Variants in DNAH8 observed in about 807,000 individuals in gnomAD.
DNAH8 encodes the protein dynein axonemal heavy chain 8.
DNAH8 carries 382 observed loss-of-function variants against 562.1 expected under a neutral mutation model. The ratio of observed to expected loss-of-function variants is 0.68; its 90% confidence interval spans 0.63 to 0.74. The LOEUF (loss-of-function observed/expected upper bound fraction) is 0.74, where lower values mean the gene tolerates loss of function less well. Ranked by LOEUF, DNAH8 falls within the 30% of genes least tolerant of loss-of-function variation. The pLI, the probability that DNAH8 is intolerant of heterozygous loss-of-function variation, is 0.00. For missense variants in DNAH8, 5,203 were observed against 5,620.4 expected (o/e 0.93, Z 2.37); for synonymous variants, 1,881 against 1,919.4 (o/e 0.98, Z 0.52).
chr6:38,790,755 G>A (rs973037737), intron 20 of DNAH8, among the ~76,000 whole-genome samples: 4 of 151,774 alleles, frequency 2.6e-5, no homozygotes, highest in African/African-American at 4.8e-5. Context: ...CCAGGGAAGC[G>A]GAGGTTGCAG....
At chr6:38,917,634 G>C (rs1401097218) in intron 69 of DNAH8, among the ~76,000 whole-genome samples, 1 of 152,176 alleles carries the variant, frequency 6.6e-6, no homozygotes, top group African/African-American at 2.4e-5. Context: ...GCACAGCCTT[G>C]GTGTCAACCC....
Position 38,929,677 on chromosome 6 carries a change from T to TAAAAAAAAAAAAAAAAAAAAAA in DNAH8, c.11274+26_11274+27insAAAAAAAAAAAAAAAAAAAAAA. The TAAAAAAAAAAAAAAAAAAAAAA allele has an allele frequency of 9.1e-7, 1 of 1,097,536 alleles. No homozygotes were observed. The highest frequency in any genetic ancestry group is 1.2e-6 in the Non-Finnish European group (1 of 852,804). 68.0% of individuals were successfully genotyped at this position (1,097,536 alleles called of 1,614,324 possible). A position where few individuals can be genotyped will look rare whatever the true frequency, so the allele number is the denominator to read the frequency against. ...GGCACCACTTTCAAGGTGAGCTTTG[T>TAAAAAAAAAAAAAAAAAAAAAA]AAAAAAAAAAAAAAAGAAAGAAAGA... On this transcript the variant is annotated intron_variant, in intron 75 of 92. Coordinates refer to ENST00000327475, the MANE Select transcript of DNAH8 (RefSeq NM_001206927.2).
At chr6:38,987,517 G>A (rs1423913527) in intron 87 of DNAH8, among the ~76,000 whole-genome samples, 2 of 152,170 alleles carry the variant, frequency 1.3e-5, no homozygotes, top group Non-Finnish European at 2.9e-5. Flanking sequence ...CCTCACCTGA[G>A]TTATTTTACT....
chr6:38,999,934 A>AACACACAC (rs61608266), intron 88 of DNAH8, among the ~76,000 whole-genome samples: 37,375 of 146,632 alleles, frequency 0.25, 5,397 homozygotes, highest in Non-Finnish European at 0.35. Flanking sequence ...CACACACACA[A>AACACACAC]ACACACACAC....
At chr6:38,827,656 G>A (rs1268619142) in intron 29 of DNAH8, among the ~76,000 whole-genome samples, 2 of 144,928 alleles carry the variant, frequency 1.4e-5, no homozygotes, top group South Asian at 2.2e-4. Flanking sequence ...TTTGGATGCT[G>A]ACCAGCCAGA....
At chr6:38,874,860 C>T (rs1298614262) in intron 52 of DNAH8, among the ~76,000 whole-genome samples, 1 of 152,132 alleles carries the variant, frequency 6.6e-6, no homozygotes, top group Non-Finnish European at 1.5e-5. Context: ...AGGCCGAAAT[C>T]AGTGAATTAT....
intron 81 of DNAH8, among the ~76,000 whole-genome samples, chr6:38,950,584 C>T (rs555713120): frequency 3.3e-5 from 5 of 151,878 alleles, no homozygotes; most frequent in African/African-American, 7.2e-5. Flanking sequence ...GGACTACAGG[C>T]GCCTGCCACC....
At chr6:38,958,168 A>ATT (rs34427051) in intron 82 of DNAH8, among the ~76,000 whole-genome samples, 13 of 148,736 alleles carry the variant, frequency 8.7e-5, no homozygotes, top group East Asian at 7.9e-4. Context: ...CGCCTGACTA[A>ATT]TTTTTTTTTT....
At chr6:38,729,067 G>T (rs943109701) in intron 3 of DNAH8, among the ~76,000 whole-genome samples, 1 of 152,198 alleles carries the variant, frequency 6.6e-6, no homozygotes, top group African/African-American at 2.4e-5. Flanking sequence ...GCTGGGCGTG[G>T]TGGCAGAAGC....
chr6:38,734,482 C>T lies in DNAH8; in HGVS notation c.619C>T (p.Arg207Ter), dbSNP rs776176679. 2.7e-5 allele frequency: 44 copies of T among 1,613,300 alleles called. No individual in the cohort carries two copies. Among genetic ancestry groups the T allele is most frequent in the South Asian group, 6.6e-5 (6 of 90,950 alleles). Reference protein sequence around the residue: ...EGDVPGIECGRTIAGATKGAK... With the variant: ...EGDVPGIECG ...TTGACTTTTGTTTTCAGAATGTGGT[C>T]GAACTATTGCTGGAGCAACTAAAGG... Residue 207 changes from arginine (R) to a stop codon, truncating the protein, a stop_gained, in exon 5 of 93, where the codon CGA (arginine) becomes TGA (stop). Transcript: ENST00000327475. LOFTEE classifies it high-confidence loss of function.
At chr6:38,728,859 G>T (rs1212769885) in intron 3 of DNAH8, among the ~76,000 whole-genome samples, 1 of 152,186 alleles carries the variant, frequency 6.6e-6, no homozygotes, top group Non-Finnish European at 1.5e-5. Context: ...ACTGTCCTAG[G>T]AGGAGTGGCT....
intron 82 of DNAH8, among the ~76,000 whole-genome samples, chr6:38,954,168 T>G (rs1249785372): frequency 6.6e-6 from 1 of 152,250 alleles, no homozygotes; most frequent in African/African-American, 2.4e-5. Flanking sequence ...ACTGGGTACA[T>G]GGGCAAAGTG....
At chr6:38,954,077 G>A (rs1762092270) in intron 82 of DNAH8, among the ~76,000 whole-genome samples, 1 of 152,188 alleles carries the variant, frequency 6.6e-6, no homozygotes, top group South Asian at 2.1e-4. Flanking sequence ...GAGGAGAAGG[G>A]AAACTTTGGT....
chr6:38,811,667 T>G (rs2150313834), intron 24 of DNAH8, among the ~76,000 whole-genome samples: 1 of 152,350 alleles, frequency 6.6e-6, no homozygotes. Context: ...AATTTTTATC[T>G]AGAGTGAGTT....
At chr6:38,734,750 G>A (rs933594982) in intron 5 of DNAH8, 125 bp downstream of exon 5, 2 of 1,040,182 alleles carry the variant, frequency 1.9e-6, no homozygotes, top group Admixed American at 3.2e-5. Flanking sequence ...GAAAATAAAT[G>A]TATTCATATA....
Position 38,770,501 on chromosome 6 carries a change from AG to A in DNAH8, c.1708del (p.Val570PhefsTer23). 4 of 1,607,688 alleles carry A rather than the reference AG, an allele frequency of 2.5e-6. No individual in the cohort carries two copies. Among genetic ancestry groups the A allele is most frequent in the Non-Finnish European group, 3.4e-6 (4 of 1,178,132 alleles). On this transcript the variant is annotated frameshift_variant, in exon 12 of 93. Transcript: ENST00000327475. LOFTEE classifies it high-confidence loss of function. ...ISESSGEKSF[E>X]VSEMYIFGKF... Reference sequence around the variant, plus strand: ...GAATCCTCAGGGGAAAAATCTTTTGAGGTTTCAGAAATGTATATATTTGGAA... The same window carrying A: ...GAATCCTCAGGGGAAAAATCTTTTGAGTTTCAGAAATGTATATATTTGGAA...
rs548807417 is a variant in DNAH8, at chr6:38,778,017, TA to T, written c.1963-366del. On this transcript the variant is annotated intron_variant, in intron 13 of 92. Coordinates refer to ENST00000327475, the MANE Select transcript of DNAH8 (RefSeq NM_001206927.2). The stretch of plus-strand genomic sequence containing the variant: ...TTTTCTAGTAGCCATTGAATAAAAG[TA>T]AAAAGAAGCAGGTGAAATTAATTTT... 1.9e-3 allele frequency among the ~76,000 whole-genome samples: 293 copies of T among 152,336 alleles called. 1 individual carries two copies. The highest frequency in any genetic ancestry group is 6.4e-3 in the African/African-American group (267 of 41,580).
At chr6:39,024,667 A>C (rs972401020) in intron 91 of DNAH8, among the ~76,000 whole-genome samples, 1 of 152,158 alleles carries the variant, frequency 6.6e-6, no homozygotes, top group Non-Finnish European at 1.5e-5. Context: ...TCTCTAAAAT[A>C]ATAAAAAAGG....
intron 56 of DNAH8, among the ~76,000 whole-genome samples, chr6:38,885,172 G>T (rs923906406): frequency 6.6e-6 from 1 of 152,164 alleles, no homozygotes; most frequent in Non-Finnish European, 1.5e-5. Flanking sequence ...AAGCTGAAGC[G>T]CTCCTGAATT....
Sources: allele counts gnomAD v4.1 joint callset (sites outside exome capture counted in the v4.1 genomes callset), GRCh38; gene constraint gnomAD v4.1.1; transcripts MANE v1.5; gene names NCBI Gene and HGNC (gene_info 2026-07-23, HGNC 2026-07-21).